VKORC1L1: variants seen among roughly 807,000 people sequenced by gnomAD.
The protein encoded by VKORC1L1 is vitamin K epoxide reductase complex subunit 1-like protein 1.
VKORC1L1 carries 2 observed loss-of-function variants against 18.9 expected under a neutral mutation model. That is an observed-to-expected ratio of 0.11 (90% CI 0.04 to 0.33). The LOEUF (loss-of-function observed/expected upper bound fraction) is 0.33. Among genes scored for constraint, VKORC1L1 ranks in the 10% least tolerant of loss-of-function variants. The pLI, the probability that VKORC1L1 is intolerant of heterozygous loss-of-function variation, is 1.00. For missense variants in VKORC1L1, 123 were observed against 224.1 expected (o/e 0.55, Z 2.88); for synonymous variants, 96 against 100.0 (o/e 0.96, Z 0.24).
chr7:65,925,683 A>G (rs929197328), intron 1 of VKORC1L1, among the ~76,000 whole-genome samples: 1 of 152,192 alleles, frequency 6.6e-6, no homozygotes, highest in Non-Finnish European at 1.5e-5. Flanking sequence ...TACTGCTTGT[A>G]ACACCTATTG....
chr7:65,943,329 T>A (rs972566812), intron 1 of VKORC1L1, among the ~76,000 whole-genome samples: 1 of 152,148 alleles, frequency 6.6e-6, no homozygotes, highest in African/African-American at 2.4e-5. Context: ...GTAAAATGAG[T>A]TGCTTCTAAG....
intron 1 of VKORC1L1, among the ~76,000 whole-genome samples, chr7:65,880,680 C>G (rs1049658504): frequency 6.6e-6 from 1 of 152,096 alleles, no homozygotes; most frequent in African/African-American, 2.4e-5. Flanking sequence ...AGTTCATTTC[C>G]TCAATCATTA....
chr7:65,875,676 CA>C (rs35404034), intron 1 of VKORC1L1, among the ~76,000 whole-genome samples: 10,431 of 152,206 alleles, frequency 0.069, 563 homozygotes, highest in South Asian at 0.19. Context: ...CTCGGCCTCC[CA>C]AAGTGCTGGG....
At chr7:65,877,092 G>A (rs1490941652) in intron 1 of VKORC1L1, among the ~76,000 whole-genome samples, 2 of 152,172 alleles carry the variant, frequency 1.3e-5, no homozygotes, top group Non-Finnish European at 2.9e-5. Flanking sequence ...TTAGTGTTAC[G>A]ATGAAAAGTG....
rs1790307614 is a variant in VKORC1L1, at chr7:65,957,108, T to C, written c.*2808T>C. The C allele has an allele frequency of 6.6e-6, 1 of 152,244 alleles. No homozygotes were observed. Among genetic ancestry groups the C allele is most frequent in the Non-Finnish European group, 1.5e-5 (1 of 68,042 alleles). 9.4% of individuals were successfully genotyped at this position (152,244 alleles called of 1,614,324 possible). Reference sequence around the variant, plus strand: ...TAACTAGCTGTGTGCCCAGAATCACTGTTCCTTCATACATGTGTCCTCTCC... The same window carrying C: ...TAACTAGCTGTGTGCCCAGAATCACCGTTCCTTCATACATGTGTCCTCTCC... On this transcript the variant is annotated 3_prime_UTR_variant, in exon 3 of 3. Coordinates refer to ENST00000360768, the MANE Select transcript of VKORC1L1 (RefSeq NM_173517.6).
chr7:65,953,952 A>G (rs929730278), intron 2 of VKORC1L1, 122 bp from the exon 3 acceptor site: 2 of 811,212 alleles, frequency 2.5e-6, no homozygotes, highest in Non-Finnish European at 3.8e-6. Flanking sequence ...CTCAATTTTC[A>G]GAGTTGGCAG....
At chr7:65,886,251 C>A (rs1019294059) in intron 1 of VKORC1L1, among the ~76,000 whole-genome samples, 3 of 152,064 alleles carry the variant, frequency 2.0e-5, no homozygotes, top group African/African-American at 7.2e-5. Context: ...ATATTATGAT[C>A]TCTTTTTCTT....
At chr7:65,886,447 G>A (rs1048216610) in intron 1 of VKORC1L1, among the ~76,000 whole-genome samples, 1 of 152,110 alleles carries the variant, frequency 6.6e-6, no homozygotes, top group African/African-American at 2.4e-5. Flanking sequence ...ACCTCTTTGA[G>A]GTAATACGCA....
At chr7:65,901,744 T>A (rs117819730) in intron 1 of VKORC1L1, among the ~76,000 whole-genome samples, 21,737 of 151,920 alleles carry the variant, frequency 0.14, 2,082 homozygotes, top group Non-Finnish European at 0.21. Flanking sequence ...AGAACTCCAG[T>A]GATAGGTGGA....
At chr7:65,953,649 C>T (rs1790248424) in intron 2 of VKORC1L1, among the ~76,000 whole-genome samples, 1 of 152,290 alleles carries the variant, frequency 6.6e-6, no homozygotes, top group Middle Eastern at 3.4e-3. Flanking sequence ...AATCCCGGCA[C>T]TTTGGGAGGC....
At chr7:65,881,592 A>C (rs1202608017) in intron 1 of VKORC1L1, among the ~76,000 whole-genome samples, 1 of 152,198 alleles carries the variant, frequency 6.6e-6, no homozygotes, top group East Asian at 1.9e-4. Flanking sequence ...CAAAGCTGCA[A>C]ATGTGATAAA....
chr7:65,934,784 G>A (rs1789913705), intron 1 of VKORC1L1, among the ~76,000 whole-genome samples: 1 of 152,138 alleles, frequency 6.6e-6, no homozygotes, highest in Admixed American at 6.6e-5. Flanking sequence ...GCTGGGCTCA[G>A]TGGCTCATGC....
At chr7:65,878,292 A>G (rs919544011) in intron 1 of VKORC1L1, among the ~76,000 whole-genome samples, 1 of 152,008 alleles carries the variant, frequency 6.6e-6, no homozygotes, top group African/African-American at 2.4e-5. Context: ...CTAAAAATAC[A>G]AAAAATTAGC....
At chr7:65,879,899 C>T (rs1353714639) in intron 1 of VKORC1L1, among the ~76,000 whole-genome samples, 1 of 151,438 alleles carries the variant, frequency 6.6e-6, no homozygotes, top group Non-Finnish European at 1.5e-5. Context: ...TCTCCCCAGG[C>T]TGAGTGCAGT....
chr7:65,915,122 C>T (rs1488114232), intron 1 of VKORC1L1, among the ~76,000 whole-genome samples: 1 of 138,906 alleles, frequency 7.2e-6, no homozygotes, highest in African/African-American at 2.7e-5. Flanking sequence ...ACAAGAGTCT[C>T]ACTGTGTTGC....
At chr7:65,898,878 G>T (rs1161825531) in intron 1 of VKORC1L1, among the ~76,000 whole-genome samples, 1 of 152,048 alleles carries the variant, frequency 6.6e-6, no homozygotes. Context: ...CTATGAATTT[G>T]ACTACTCTAG....
intron 1 of VKORC1L1, among the ~76,000 whole-genome samples, chr7:65,929,731 T>A (rs939058427): frequency 1.4e-5 from 2 of 147,846 alleles, no homozygotes; most frequent in African/African-American, 2.5e-5. Flanking sequence ...CTTTTAAAAA[T>A]TTTTTTTTGT....
chr7:65,941,802 A>G (rs1444773765), intron 1 of VKORC1L1, among the ~76,000 whole-genome samples: 1 of 150,070 alleles, frequency 6.7e-6, no homozygotes, highest in South Asian at 2.1e-4. Flanking sequence ...CAGCCTCCCA[A>G]GTAGCTGGGA....
chr7:65,896,415 T>C (rs1009572610), intron 1 of VKORC1L1, among the ~76,000 whole-genome samples: 5 of 152,186 alleles, frequency 3.3e-5, no homozygotes, highest in Non-Finnish European at 5.9e-5. Context: ...TGAGTGGGAC[T>C]GCTGGGTCAT....
Sources: allele counts gnomAD v4.1 joint callset (sites outside exome capture counted in the v4.1 genomes callset), GRCh38; gene constraint gnomAD v4.1.1; transcripts MANE v1.5; gene names NCBI Gene and HGNC (gene_info 2026-07-23, HGNC 2026-07-21).